Variants in PRKCE observed in about 807,000 individuals in gnomAD.
PRKCE encodes protein kinase C epsilon type.
PRKCE carries 16 observed loss-of-function variants against 85.4 expected under a neutral mutation model. The observed-to-expected ratio is 0.19, with a 90% CI of 0.13 to 0.28. The LOEUF (loss-of-function observed/expected upper bound fraction) is 0.28. Among genes scored for constraint, PRKCE ranks in the 10% least tolerant of loss-of-function variants. The pLI, the probability that PRKCE is intolerant of heterozygous loss-of-function variation, is 1.00. For missense variants in PRKCE, 573 were observed against 975.2 expected, an observed-to-expected ratio of 0.59 and a Z score of 5.49; for synonymous variants, 388 against 371.5, an observed-to-expected ratio of 1.04 and a Z score of -0.51.
At chr2:45,958,928 A>G (rs930905590) in intron 2 of PRKCE, among the ~76,000 whole-genome samples, 3 of 140,312 alleles carry the variant, frequency 2.1e-5, no homozygotes, top group African/African-American at 8.1e-5. Flanking sequence ...GCAATTTCTG[A>G]TCTCTAGAAA....
chr2:45,981,360 G>T (rs1702876963), intron 5 of PRKCE, among the ~76,000 whole-genome samples: 1 of 152,172 alleles, frequency 6.6e-6, no homozygotes, highest in Admixed American at 6.5e-5. Context: ...TTTATAATCA[G>T]CTGGTCTACA....
At chr2:45,770,399 C>G (rs1441898257) in intron 1 of PRKCE, among the ~76,000 whole-genome samples, 1 of 152,158 alleles carries the variant, frequency 6.6e-6, no homozygotes, top group Non-Finnish European at 1.5e-5. Context: ...GCCTAAGGTT[C>G]TCATGTTCAC....
intron 1 of PRKCE, among the ~76,000 whole-genome samples, chr2:45,742,165 G>A (rs1682635035): frequency 6.6e-6 from 1 of 152,008 alleles, no homozygotes; most frequent in East Asian, 1.9e-4. Context: ...AAACGAAAAG[G>A]AAACCCACAG....
intron 11 of PRKCE, 138 bp downstream of exon 11, chr2:46,086,500 A>T: frequency 9.4e-7 from 1 of 1,064,910 alleles, no homozygotes; most frequent in South Asian, 1.7e-5. Context: ...ATTTGCTTAC[A>T]GAAGACTTTT....
At chr2:46,040,209 G>A (rs75824070) in intron 10 of PRKCE, among the ~76,000 whole-genome samples, 1 of 152,174 alleles carries the variant, frequency 6.6e-6, no homozygotes, top group Non-Finnish European at 1.5e-5. Context: ...AAATTGAACT[G>A]AACTAGGCCT....
At chr2:45,857,018 G>T (rs540408152) in intron 2 of PRKCE, among the ~76,000 whole-genome samples, 18 of 152,338 alleles carry the variant, frequency 1.2e-4, no homozygotes, top group Admixed American at 1.2e-3. Flanking sequence ...AAATGTGAGT[G>T]TGCAGATGTC....
intron 2 of PRKCE, among the ~76,000 whole-genome samples, chr2:45,856,497 C>T (rs540541664): frequency 6.6e-6 from 1 of 152,234 alleles, no homozygotes; most frequent in African/African-American, 2.4e-5. Flanking sequence ...TCCCAGAGTT[C>T]TTGGATTACA....
rs138130156 is a variant in PRKCE, at chr2:45,856,263, C to A, written c.412+13200C>A. 6.1e-3 allele frequency among the ~76,000 whole-genome samples: 930 copies of A among 152,166 alleles called. 7 individuals are homozygous for A. The highest frequency in any genetic ancestry group is 7.2e-3 in the Non-Finnish European group (492 of 67,998). Reference sequence around the variant, plus strand: ...TCTTTTTTTTTGAGATAGAGTCTTACTCTGTCACCCAGGCTGGAGTGCAGT... The same window carrying A: ...TCTTTTTTTTTGAGATAGAGTCTTAATCTGTCACCCAGGCTGGAGTGCAGT... On this transcript the variant is annotated intron_variant, in intron 2 of 14. Transcript: ENST00000306156.
intron 7 of PRKCE, among the ~76,000 whole-genome samples, chr2:46,002,772 T>C (rs1704809128): frequency 6.6e-6 from 1 of 152,218 alleles, no homozygotes; most frequent in Non-Finnish European, 1.5e-5. Flanking sequence ...GCTAGGGCCC[T>C]GCTGAAGAGG....
intron 1 of PRKCE, among the ~76,000 whole-genome samples, chr2:45,653,370 GTTTTTTTTTTTTTT>G (rs34888247): frequency 4.9e-5 from 3 of 61,464 alleles, no homozygotes; most frequent in Non-Finnish European, 6.0e-5. Flanking sequence ...TTTTTGGGTT[GTTTTTTTTTTTTTT>G]TTTTTTTTTT....
In PRKCE at chr2:45,989,770, G is replaced by A. The variant is rs183204437; in HGVS notation, c.823+5090G>A. Among the ~76,000 whole-genome samples the A allele has an allele frequency of 1.6e-3, 240 of 151,958 alleles. 1 individual carries two copies. The highest frequency in any genetic ancestry group is 5.4e-3 in the African/African-American group (224 of 41,426). ...ATTTTTAACAGCTAGGTCCCTTGTC[G>A]TAACTTCAACTTTTATTTTTAGAAT... On this transcript the variant is annotated intron_variant, in intron 6 of 14. Coordinates refer to ENST00000306156, the MANE Select transcript of PRKCE (RefSeq NM_005400.3).
At chr2:45,739,538 C>G (rs1226083750) in intron 1 of PRKCE, among the ~76,000 whole-genome samples, 2 of 152,246 alleles carry the variant, frequency 1.3e-5, no homozygotes, top group African/African-American at 2.4e-5. Context: ...TCCTCCCTTC[C>G]TTTTTAAAAA....
At chr2:45,887,888 G>A (rs1003514600) in intron 2 of PRKCE, among the ~76,000 whole-genome samples, 3 of 152,208 alleles carry the variant, frequency 2.0e-5, no homozygotes, top group Non-Finnish European at 4.4e-5. Context: ...TGGCCCAACT[G>A]AAATCATATC....
At chr2:45,806,336 C>A (rs1688242030) in intron 1 of PRKCE, among the ~76,000 whole-genome samples, 1 of 152,184 alleles carries the variant, frequency 6.6e-6, no homozygotes, top group African/African-American at 2.4e-5. Context: ...CCCACCCGCT[C>A]CCCAAGCAGG....
chr2:46,107,682 A>G lies in PRKCE; in HGVS notation c.1592+21320A>G, dbSNP rs7571159. ...TCATTTTGCATTTCTATCAACAGTG[A>G]GTGAAAGTTCCTGTTGTTCCACATC... On this transcript the variant is annotated intron_variant, in intron 11 of 14. Transcript: ENST00000306156. Among the ~76,000 whole-genome samples, 931 of 152,354 alleles carry G rather than the reference A, an allele frequency of 6.1e-3. 10 individuals carry two copies. Among genetic ancestry groups the G allele is most frequent in the African/African-American group, 0.021 (884 of 41,580 alleles).
At chr2:46,049,973 G>C (rs1708753840) in intron 10 of PRKCE, among the ~76,000 whole-genome samples, 1 of 152,240 alleles carries the variant, frequency 6.6e-6, no homozygotes, top group African/African-American at 2.4e-5. Flanking sequence ...ACCATGGCCA[G>C]TGTAGAAGGC....
chr2:45,919,473 T>C (rs1428727403), intron 2 of PRKCE, among the ~76,000 whole-genome samples: 14 of 152,258 alleles, frequency 9.2e-5, no homozygotes, highest in African/African-American at 3.1e-4. Context: ...TGAAGTGTGT[T>C]TATGCCTTGT....
At chr2:46,182,734 C>T (rs571185147) in intron 14 of PRKCE, among the ~76,000 whole-genome samples, 50 of 152,312 alleles carry the variant, frequency 3.3e-4, no homozygotes, top group Non-Finnish European at 6.0e-4. Context: ...AACAGTCCCC[C>T]GCGCAGCTCA....
At chr2:46,096,873 T>C (rs1043757433) in intron 11 of PRKCE, among the ~76,000 whole-genome samples, 2 of 152,206 alleles carry the variant, frequency 1.3e-5, no homozygotes, top group African/African-American at 4.8e-5. Flanking sequence ...CACTAATGTA[T>C]ATTAAAATAA....
Sources: allele counts gnomAD v4.1 joint callset (sites outside exome capture counted in the v4.1 genomes callset), GRCh38; gene constraint gnomAD v4.1.1; transcripts MANE v1.5; gene names NCBI Gene and HGNC (gene_info 2026-07-23, HGNC 2026-07-21).